EPHX4: variants seen among roughly 807,000 people sequenced by gnomAD.
EPHX4 encodes abhydrolase domain containing 7.
In EPHX4, 31 loss-of-function variants were observed where a neutral mutation model predicts 44.9. That is an observed-to-expected ratio of 0.69 (90% CI 0.52 to 0.93). EPHX4 has a LOEUF of 0.93. EPHX4 is among the 40% of genes least tolerant of loss of function. The probability of loss-of-function intolerance (pLI) is 0.00; values close to 1 mark genes in which losing one functional copy is unlikely to be tolerated. For synonymous variants in EPHX4, 151 were observed against 159.7 expected (o/e 0.95, Z 0.41); for missense variants, 373 against 438.1 (o/e 0.85, Z 1.33).
chr1:92,045,547 TTC>T lies in EPHX4; in HGVS notation c.493_494del (p.Leu165TyrfsTer4). On this transcript the variant is annotated frameshift_variant, in exon 4 of 7. Transcript: ENST00000370383. LOFTEE classifies it high-confidence loss of function. ...TTGTTTACAGGGTATAGCAAATGTG[TTC>T]TTATTGGCCATGACTGGGGGGGCAT... is the stretch of plus-strand genomic sequence containing the variant. The T allele has an allele frequency of 6.2e-7, 1 of 1,614,052 alleles. No homozygotes were observed. Among genetic ancestry groups the T allele is most frequent in the East Asian group, 2.2e-5 (1 of 44,874 alleles).
At chr1:92,052,270 C>CT (rs994922607) in intron 5 of EPHX4, among the ~76,000 whole-genome samples, 10 of 152,028 alleles carry the variant, frequency 6.6e-5, no homozygotes, top group African/African-American at 2.4e-4. Context: ...AGACAGGATG[C>CT]TTTTTATAAA....
Position 92,063,352 on chromosome 1 carries a change from C to A in EPHX4, c.*66C>A. ...TAAATAATTTTTAAAAATTGTTCAT[C>A]AACTTCTTTATGTTTTATTAGAAAA... On this transcript the variant is annotated 3_prime_UTR_variant, in exon 7 of 7. Transcript: ENST00000370383. 1 of 1,199,162 alleles carries A rather than the reference C, an allele frequency of 8.3e-7. No homozygotes were observed. Among genetic ancestry groups the A allele is most frequent in the African/African-American group, 1.5e-5 (1 of 65,276 alleles). 74.3% of individuals were successfully genotyped at this position (1,199,162 alleles called of 1,614,324 possible).
intron 1 of EPHX4, among the ~76,000 whole-genome samples, chr1:92,031,317 C>A (rs1226311367): frequency 6.6e-6 from 1 of 152,102 alleles, no homozygotes; most frequent in Non-Finnish European, 1.5e-5. Flanking sequence ...GACTCACCAC[C>A]AATAAAAAAA....
At chr1:92,054,160 A>G (rs1367165345) in intron 6 of EPHX4, among the ~76,000 whole-genome samples, 2 of 152,176 alleles carry the variant, frequency 1.3e-5, no homozygotes, top group South Asian at 2.1e-4. Context: ...GGCAGAAATT[A>G]TGTGTTAACA....
chr1:92,032,105 A>T (rs1688369366), intron 1 of EPHX4, among the ~76,000 whole-genome samples: 1 of 152,258 alleles, frequency 6.6e-6, no homozygotes, highest in Admixed American at 6.5e-5. Flanking sequence ...GTCCTGCAGC[A>T]TTTGAGGGAG....
chr1:92,039,484 A>G (rs1688481567), intron 2 of EPHX4, among the ~76,000 whole-genome samples: 1 of 152,192 alleles, frequency 6.6e-6, no homozygotes, highest in South Asian at 2.1e-4. Context: ...ATGAAGACAT[A>G]AAAAATCAAT....
chr1:92,047,430 A>G (rs1342447300), intron 4 of EPHX4, among the ~76,000 whole-genome samples: 1 of 151,640 alleles, frequency 6.6e-6, no homozygotes, highest in Non-Finnish European at 1.5e-5. Context: ...AATTCAACCC[A>G]TCAACTCAAA....
chr1:92,062,997 G>A (rs1647532118), intron 6 of EPHX4, 58 bp from the exon 7 acceptor site: 2 of 1,479,148 alleles, frequency 1.4e-6, no homozygotes, highest in Admixed American at 3.6e-5. Context: ...GGCACTATAG[G>A]AAAATGTCAT....
At chr1:92,045,725 T>G (rs934513013) in intron 4 of EPHX4, 65 bp downstream of exon 4, 195 of 1,593,762 alleles carry the variant, frequency 1.2e-4, no homozygotes, top group Non-Finnish European at 1.6e-4. Context: ...CACTGACCTT[T>G]TGGATTAGAA....
At chr1:92,042,448 G>T (rs1278580296) in intron 2 of EPHX4, among the ~76,000 whole-genome samples, 1 of 150,572 alleles carries the variant, frequency 6.6e-6, no homozygotes, top group Admixed American at 6.6e-5. Flanking sequence ...ATGTGGCCAG[G>T]TGCAGTGGCT....
intron 3 of EPHX4, among the ~76,000 whole-genome samples, chr1:92,044,236 C>T (rs942972723): frequency 1.3e-5 from 2 of 152,042 alleles, no homozygotes; most frequent in Non-Finnish European, 2.9e-5. Context: ...CTGGGGGTGT[C>T]ACATACAATA....
intron 2 of EPHX4, among the ~76,000 whole-genome samples, chr1:92,039,943 T>C (rs960979830): frequency 1.3e-5 from 2 of 152,108 alleles, no homozygotes; most frequent in Admixed American, 6.5e-5. Context: ...CGTGAGCCAC[T>C]GCGCCCAGCC....
chr1:92,050,313 T>G lies in EPHX4; in HGVS notation c.605-4T>G. 6.3e-7 allele frequency: 1 copy of G among 1,576,310 alleles called. No individual in the cohort carries two copies. Among genetic ancestry groups the G allele is most frequent in the Non-Finnish European group, 8.7e-7 (1 of 1,151,562 alleles). ...TAAGGTCTAACATGGCATTTTAATT[T>G]CAGAATATATTTTACGACACCCTGC... On this transcript the variant is annotated splice_region_variant and splice_polypyrimidine_tract_variant and intron_variant, in intron 4 of 6. Coordinates refer to ENST00000370383, the MANE Select transcript of EPHX4 (RefSeq NM_173567.5).
intron 6 of EPHX4, 66 bp downstream of exon 6, chr1:92,052,724 A>G (rs898491610): frequency 1.4e-6 from 2 of 1,385,602 alleles, no homozygotes; most frequent in East Asian, 2.6e-5. Context: ...ACAATATTTT[A>G]TTTTTAAGGT....
At chr1:92,061,971 G>A (rs1647506989) in intron 6 of EPHX4, among the ~76,000 whole-genome samples, 1 of 152,090 alleles carries the variant, frequency 6.6e-6, no homozygotes, top group Non-Finnish European at 1.5e-5. Flanking sequence ...ACTTTGGGAG[G>A]CCGAGATGGG....
intron 2 of EPHX4, among the ~76,000 whole-genome samples, chr1:92,039,941 A>G (rs1031120699): frequency 2.6e-5 from 4 of 152,114 alleles, no homozygotes; most frequent in African/African-American, 9.7e-5. Context: ...GGCGTGAGCC[A>G]CTGCGCCCAG....
chr1:92,062,383 A>C (rs1647517814), intron 6 of EPHX4, among the ~76,000 whole-genome samples: 1 of 152,104 alleles, frequency 6.6e-6, no homozygotes, highest in East Asian at 1.9e-4. Flanking sequence ...CAGGAGTTCA[A>C]GACCAGCCTG....
chr1:92,047,919 T>C (rs181285313), intron 4 of EPHX4, among the ~76,000 whole-genome samples: 1 of 152,356 alleles, frequency 6.6e-6, no homozygotes, highest in East Asian at 1.9e-4. Context: ...AAGGCAACTC[T>C]TAAAAACTTA....
Position 92,052,476 on chromosome 1 carries a change from A to G in EPHX4, c.709-34A>G, listed in dbSNP as rs564416539. ...ACTTAGCTTATTATTAGATAACAAA[A>G]AAGTTTTAATTATTGTTTTCTCACT... On this transcript the variant is annotated intron_variant, in intron 5 of 6. Coordinates refer to ENST00000370383, the MANE Select transcript of EPHX4 (RefSeq NM_173567.5). 1.6e-4 allele frequency: 252 copies of G among 1,551,446 alleles called. 4 individuals carry two copies. In the South Asian group the frequency reaches 2.9e-3, roughly 18 times the overall value.
Sources: allele counts gnomAD v4.1 joint callset (sites outside exome capture counted in the v4.1 genomes callset), GRCh38; gene constraint gnomAD v4.1.1; transcripts MANE v1.5; gene names NCBI Gene and HGNC (gene_info 2026-07-23, HGNC 2026-07-21).